Variants in SLC4A10 observed in about 807,000 individuals in gnomAD.
SLC4A10 encodes the protein solute carrier family 4 member 10.
In SLC4A10, 42 loss-of-function variants were observed where a neutral mutation model predicts 137.7. The ratio of observed to expected loss-of-function variants is 0.30; its 90% CI spans 0.24 to 0.39. SLC4A10 has a LOEUF of 0.39. SLC4A10 is among the 10% of genes least tolerant of loss of function. The pLI, the probability that SLC4A10 is intolerant of heterozygous loss-of-function variation, is 1.00. For missense variants in SLC4A10, 925 were observed against 1,355.0 expected, an observed-to-expected ratio of 0.68 and a Z score of 4.98; for synonymous variants, 474 against 464.1, an observed-to-expected ratio of 1.02 and a Z score of -0.27.
chr2:161,857,713 T>C (rs2060186017), intron 5 of SLC4A10, among the ~76,000 whole-genome samples: 1 of 152,174 alleles, frequency 6.6e-6, no homozygotes, highest in African/African-American at 2.4e-5. Context: ...AAGCATGCTT[T>C]CCGTTTTTAA....
In SLC4A10 at chr2:161,658,139, C is replaced by T. The variant is rs191359876; in HGVS notation, c.48+33573C>T. Among the ~76,000 whole-genome samples the T allele has an allele frequency of 4.8e-3, 738 of 152,220 alleles. 3 individuals carry two copies. Among genetic ancestry groups the T allele is most frequent in the Non-Finnish European group, 8.1e-3 (552 of 68,020 alleles). ...TTTAGGAGATAGTCAGTCTTTTCAA[C>T]ATATGCTTACAGATTGATTTGCTGT... is the stretch of plus-strand genomic sequence containing the variant. On this transcript the variant is annotated intron_variant, in intron 1 of 26. Coordinates refer to ENST00000446997, the MANE Select transcript of SLC4A10 (RefSeq NM_001178015.2).
intron 15 of SLC4A10, among the ~76,000 whole-genome samples, chr2:161,909,311 TA>T (rs1368213507): frequency 3.9e-5 from 6 of 152,178 alleles, no homozygotes; most frequent in Non-Finnish European, 8.8e-5. Context: ...CTCTGTTTTT[TA>T]AAAAGTGATC....
chr2:161,861,904 AG>A (rs2060455176), intron 5 of SLC4A10, among the ~76,000 whole-genome samples: 1 of 152,202 alleles, frequency 6.6e-6, no homozygotes, highest in African/African-American at 2.4e-5. Context: ...ATTGTTGGTA[AG>A]GGAGCATTCT....
intron 1 of SLC4A10, among the ~76,000 whole-genome samples, chr2:161,659,193 T>C (rs1191468060): frequency 6.6e-6 from 1 of 152,178 alleles, no homozygotes; most frequent in African/African-American, 2.4e-5. Context: ...TAAAAGATGG[T>C]ATATATACAC....
intron 1 of SLC4A10, among the ~76,000 whole-genome samples, chr2:161,693,109 CTT>C (rs1407309892): frequency 1.3e-5 from 2 of 151,964 alleles, no homozygotes; most frequent in Non-Finnish European, 2.9e-5. Flanking sequence ...GAGTGTATCA[CTT>C]TAAATTCTGT....
chr2:161,928,544 T>C (rs557561944), intron 15 of SLC4A10, among the ~76,000 whole-genome samples: 11 of 144,062 alleles, frequency 7.6e-5, no homozygotes, highest in South Asian at 2.2e-4. Context: ...AAAAAAAGTA[T>C]AATATATAAT....
At position 161,966,121 on chromosome 2, in the gene SLC4A10, G is replaced by A. The variant is rs184811627; in HGVS notation, c.3159+948G>A. On this transcript the variant is annotated intron_variant, in intron 23 of 26. Transcript: ENST00000446997. ...ATTTGCAGATGTTTCAGAGGTCTTA[G>A]TCATTTAATGAGGTCAGATCAGGCC... 4.2e-3 allele frequency among the ~76,000 whole-genome samples: 643 copies of A among 152,184 alleles called. 6 individuals are homozygous for A. The highest frequency in any genetic ancestry group is 0.014 in the African/African-American group (602 of 41,522).
chr2:161,945,182 GTATATATATATATATATATATATA>G (rs56159201), intron 16 of SLC4A10, among the ~76,000 whole-genome samples: 18,610 of 89,004 alleles, frequency 0.21, 2,140 homozygotes, highest in Middle Eastern at 0.4. Flanking sequence ...AAGTTTGTGT[GTATATATATATATATATATATATA>G]TATATATATA....
chr2:161,746,798 G>T (rs1210335304), intron 1 of SLC4A10, among the ~76,000 whole-genome samples: 1 of 152,162 alleles, frequency 6.6e-6, no homozygotes, highest in Admixed American at 6.5e-5. Context: ...TAGTCAGCAG[G>T]TGATGAATTC....
intron 20 of SLC4A10, among the ~76,000 whole-genome samples, chr2:161,958,082 T>C (rs892076314): frequency 1.4e-5 from 2 of 142,714 alleles, no homozygotes; most frequent in Middle Eastern, 3.6e-3. Context: ...AGGAAACACA[T>C]CTAAATGTTA....
chr2:161,813,191 T>A (rs1319720338), intron 3 of SLC4A10, among the ~76,000 whole-genome samples: 2 of 152,106 alleles, frequency 1.3e-5, no homozygotes, highest in Non-Finnish European at 2.9e-5. Context: ...TAGTATTTTT[T>A]ATGGACTCCT....
At chr2:161,819,684 C>T (rs1014744099) in intron 3 of SLC4A10, among the ~76,000 whole-genome samples, 18 of 151,908 alleles carry the variant, frequency 1.2e-4, no homozygotes, top group Non-Finnish European at 1.6e-4. Context: ...TTAGTAGAGA[C>T]GGGGTTTCAC....
intron 1 of SLC4A10, among the ~76,000 whole-genome samples, chr2:161,667,906 T>C (rs898129853): frequency 2.0e-5 from 3 of 151,832 alleles, no homozygotes; most frequent in Non-Finnish European, 4.4e-5. Flanking sequence ...AATTAATTCT[T>C]GTTTAAAATA....
rs2062802367 is a variant in SLC4A10 at position 161,890,505 on chromosome 2, A to G, written c.1195-4174A>G. ...GGGTGCATATATATTTAAGATAGTC[A>G]GCTCTTCTTGTTGCATTGATCCCTT... On this transcript the variant is annotated intron_variant, in intron 10 of 26. Transcript: ENST00000446997. 3.3e-5 allele frequency among the ~76,000 whole-genome samples: 5 copies of G among 152,160 alleles called. No homozygotes were observed. The South Asian group carries it at 1.0e-3, about 31-fold the overall frequency.
At chr2:161,903,957 GT>G (rs1247226206) in intron 12 of SLC4A10, 46 bp from the exon 13 acceptor site, 1 of 1,510,056 alleles carries the variant, frequency 6.6e-7, no homozygotes. Flanking sequence ...TGACTTGTGT[GT>G]TTTTTATATT....
chr2:161,702,886 C>A (rs1286703278), intron 1 of SLC4A10, among the ~76,000 whole-genome samples: 1 of 151,732 alleles, frequency 6.6e-6, no homozygotes, highest in African/African-American at 2.4e-5. Flanking sequence ...TTTGTTGTTA[C>A]TGTTAGAAAA....
chr2:161,871,140 G>A (rs1317536843), intron 6 of SLC4A10, among the ~76,000 whole-genome samples: 1 of 151,840 alleles, frequency 6.6e-6, no homozygotes, highest in Non-Finnish European at 1.5e-5. Flanking sequence ...GAATTTAAGG[G>A]AAAGCGTTTT....
chr2:161,943,168 G>A (rs1693055140), intron 16 of SLC4A10, among the ~76,000 whole-genome samples: 1 of 152,040 alleles, frequency 6.6e-6, no homozygotes, highest in African/African-American at 2.4e-5. Context: ...TTAAATATGA[G>A]TGGTGTTGAC....
intron 15 of SLC4A10, among the ~76,000 whole-genome samples, chr2:161,918,243 C>T (rs1017254431): frequency 1.3e-5 from 2 of 152,146 alleles, no homozygotes; most frequent in African/African-American, 4.8e-5. Flanking sequence ...GCAACCTCCA[C>T]CTCCTGGGCT....
Sources: gnomAD v4.1 joint callset for allele counts (sites outside exome capture counted in the v4.1 genomes callset) on GRCh38, gnomAD v4.1.1 for gene constraint, MANE v1.5 for transcripts, NCBI Gene and HGNC (gene_info 2026-07-23, HGNC 2026-07-21) for gene names.